Variants in EPHA6 observed in about 807,000 individuals in gnomAD.
EPHA6 encodes ephrin type-A receptor 6.
A neutral mutation model predicts 112.0 loss-of-function variants in EPHA6; 50 were observed. The observed-to-expected ratio is 0.45, with a 90% CI of 0.36 to 0.56. The LOEUF (loss-of-function observed/expected upper bound fraction) is 0.56. Ranked by LOEUF, EPHA6 falls within the 20% of genes least tolerant of loss-of-function variation. The probability of loss-of-function intolerance (pLI) is 0.00; values close to 1 mark genes in which losing one functional copy is unlikely to be tolerated. For missense variants in EPHA6, 1,280 were observed against 1,417.4 expected (o/e 0.90, Z 1.56); for synonymous variants, 529 against 490.7 (o/e 1.08, Z -1.03).
rs1008895758 is a variant in EPHA6 at position 96,848,646 on chromosome 3, A to G, written c.386-18179A>G. Among the ~76,000 whole-genome samples the G allele has an allele frequency of 2.6e-5, 4 of 152,206 alleles. 1 individual carries two copies. The South Asian group carries it at 8.3e-4, about 32-fold the overall frequency. ...TCTATTTAAAAAAAATTAAATCTTCATATTTTAAACGTTTATTTGAAAATT... is the reference window on the plus strand; with the variant it reads ...TCTATTTAAAAAAAATTAAATCTTCGTATTTTAAACGTTTATTTGAAAATT... On this transcript the variant is annotated intron_variant, in intron 1 of 17. Transcript: ENST00000389672.
At position 97,022,711 on chromosome 3, in the gene EPHA6, C is replaced by G. The variant is rs547261051; in HGVS notation, c.1114+34718C>G. 2.6e-5 allele frequency among the ~76,000 whole-genome samples: 4 copies of G among 152,254 alleles called. No homozygotes were observed. In the South Asian group the frequency reaches 8.3e-4, roughly 32 times the overall value. ...GGTTGGGCTCCTAATTCCTGTAATT[C>G]TGAATGGTCTCCATGTACTTTCTTT... On this transcript the variant is annotated intron_variant, in intron 3 of 17. Coordinates refer to ENST00000389672, the MANE Select transcript of EPHA6 (RefSeq NM_001080448.3).
chr3:97,196,018 C>A lies in EPHA6; in HGVS notation c.1115-30246C>A, dbSNP rs2077431816. 2.6e-5 allele frequency among the ~76,000 whole-genome samples: 4 copies of A among 151,658 alleles called. No individual in the cohort carries two copies. In the South Asian group the frequency reaches 8.3e-4, roughly 31 times the overall value. On this transcript the variant is annotated intron_variant, in intron 3 of 17. Coordinates refer to ENST00000389672, the MANE Select transcript of EPHA6 (RefSeq NM_001080448.3). The stretch of plus-strand genomic sequence containing the variant: ...CTATACCCTTCTTGTGTATTGATAT[C>A]TTTCTCTAGATTTGGAAAGTTCTCT...
chr3:97,537,820 C>T (rs2092785152), intron 11 of EPHA6, among the ~76,000 whole-genome samples: 1 of 152,146 alleles, frequency 6.6e-6, no homozygotes, highest in Admixed American at 6.5e-5. Flanking sequence ...CTCAAGTGAT[C>T]CACCTACCTC....
At chr3:97,276,485 G>C (rs1227550405) in intron 5 of EPHA6, among the ~76,000 whole-genome samples, 2 of 152,130 alleles carry the variant, frequency 1.3e-5, no homozygotes, top group Admixed American at 6.5e-5. Flanking sequence ...ACACCTGGCC[G>C]ACTGCGGTTC....
intron 2 of EPHA6, among the ~76,000 whole-genome samples, chr3:96,980,705 C>A (rs2042732264): frequency 6.6e-6 from 1 of 151,848 alleles, no homozygotes; most frequent in African/African-American, 2.4e-5. Context: ...TCTTCCATTT[C>A]TTTGTATCCT....
chr3:97,581,765 T>C (rs1417932919), intron 11 of EPHA6, among the ~76,000 whole-genome samples: 3 of 152,224 alleles, frequency 2.0e-5, no homozygotes, highest in Non-Finnish European at 4.4e-5. Context: ...ACACCTGTGC[T>C]CTTCCCATTG....
intron 2 of EPHA6, among the ~76,000 whole-genome samples, chr3:96,986,528 T>C (rs1048321354): frequency 9.9e-5 from 15 of 152,200 alleles, no homozygotes; most frequent in Non-Finnish European, 1.3e-4. Context: ...TCTAAGGCAA[T>C]GCGTAAATGT....
At chr3:97,699,656 C>T (rs1332750167) in intron 14 of EPHA6, among the ~76,000 whole-genome samples, 2 of 152,130 alleles carry the variant, frequency 1.3e-5, no homozygotes, top group African/African-American at 2.4e-5. Flanking sequence ...AAACAGTTCC[C>T]AAGTCCAACA....
At chr3:97,706,325 G>A (rs1171984871) in intron 14 of EPHA6, among the ~76,000 whole-genome samples, 2 of 151,964 alleles carry the variant, frequency 1.3e-5, no homozygotes, top group African/African-American at 2.4e-5. Flanking sequence ...ACAAACAAAG[G>A]ACAATAACAA....
At chr3:97,737,307 G>A (rs940324537) in intron 16 of EPHA6, among the ~76,000 whole-genome samples, 20 of 151,960 alleles carry the variant, frequency 1.3e-4, no homozygotes, top group Non-Finnish European at 2.8e-4. Flanking sequence ...CACTGTGAGT[G>A]CAAAACAAGG....
intron 3 of EPHA6, among the ~76,000 whole-genome samples, chr3:97,089,802 ACT>A (rs79557557): frequency 0.056 from 8,468 of 152,114 alleles, 612 homozygotes; most frequent in East Asian, 0.38. Context: ...AGCCCATCAA[ACT>A]CTAACCATTT....
At chr3:97,463,221 G>T (rs944072419) in intron 7 of EPHA6, among the ~76,000 whole-genome samples, 1 of 151,910 alleles carries the variant, frequency 6.6e-6, no homozygotes, top group Non-Finnish European at 1.5e-5. Flanking sequence ...ATTTACATTA[G>T]GTATATCTCC....
intron 5 of EPHA6, among the ~76,000 whole-genome samples, chr3:97,265,155 C>T (rs2079632415): frequency 6.6e-6 from 1 of 152,120 alleles, no homozygotes; most frequent in East Asian, 1.9e-4. Context: ...GGCACCAATT[C>T]ATCCATGGGC....
chr3:97,042,327 C>A (rs1336194598), intron 3 of EPHA6, among the ~76,000 whole-genome samples: 1 of 152,052 alleles, frequency 6.6e-6, no homozygotes, highest in Non-Finnish European at 1.5e-5. Flanking sequence ...TCCCCTGCAC[C>A]TTCCACTATG....
chr3:97,188,597 C>T (rs1221984218), intron 3 of EPHA6, among the ~76,000 whole-genome samples: 4 of 151,718 alleles, frequency 2.6e-5, no homozygotes, highest in Admixed American at 2.6e-4. Flanking sequence ...GAAATGTTTT[C>T]ATTTATTACA....
intron 4 of EPHA6, among the ~76,000 whole-genome samples, chr3:97,237,493 C>T (rs773289821): frequency 2.6e-5 from 4 of 151,880 alleles, no homozygotes; most frequent in Non-Finnish European, 4.4e-5. Flanking sequence ...GTTGGAGAAT[C>T]GAGTTACCAC....
chr3:96,890,575 G>A (rs1251812931), intron 2 of EPHA6, among the ~76,000 whole-genome samples: 2 of 151,528 alleles, frequency 1.3e-5, no homozygotes, highest in Middle Eastern at 3.2e-3. Context: ...TTCTTTTTTT[G>A]GTTCCAAAAT....
At chr3:96,950,290 C>T (rs914259212) in intron 2 of EPHA6, among the ~76,000 whole-genome samples, 1 of 152,108 alleles carries the variant, frequency 6.6e-6, no homozygotes, top group Non-Finnish European at 1.5e-5. Flanking sequence ...CAAGACTACT[C>T]ATGCCCTAGT....
intron 2 of EPHA6, among the ~76,000 whole-genome samples, chr3:96,885,326 G>A (rs1200667624): frequency 2.0e-5 from 3 of 152,046 alleles, no homozygotes; most frequent in Non-Finnish European, 4.4e-5. Context: ...TGAATGTCTG[G>A]TGGAATTCTG....
Sources: allele counts gnomAD v4.1 joint callset (sites outside exome capture counted in the v4.1 genomes callset), GRCh38; gene constraint gnomAD v4.1.1; transcripts MANE v1.5; gene names NCBI Gene and HGNC (gene_info 2026-07-23, HGNC 2026-07-21).